Variants in MB21D2 observed in about 807,000 individuals in gnomAD.
MB21D2 encodes nucleotidyltransferase MB21D2.
In MB21D2, 9 loss-of-function variants were observed where a neutral mutation model predicts 33.3. That is an observed-to-expected ratio of 0.27 (90% CI 0.16 to 0.47). MB21D2 has a LOEUF of 0.47. MB21D2 is among the 20% of genes least tolerant of loss of function. MB21D2 has a pLI of 0.99. For synonymous variants in MB21D2, 241 were observed against 236.3 expected, an observed-to-expected ratio of 1.02 and a Z score of -0.18; for missense variants, 540 against 624.6, an observed-to-expected ratio of 0.86 and a Z score of 1.44.
rs536385604 is a variant in MB21D2, at chr3:192,808,943, T to C, written c.212-9293A>G. On this transcript the variant is annotated intron_variant, in intron 1 of 1. Coordinates refer to ENST00000392452, the MANE Select transcript of MB21D2 (RefSeq NM_178496.4). ...AACAGCAAAAGAAGAGCTGAGTTTA[T>C]AGTACACATTTGAAGTACATACATC... Among the ~76,000 whole-genome samples, 7 of 152,246 alleles carry C rather than the reference T, an allele frequency of 4.6e-5. 1 individual carries two copies. The highest frequency in any genetic ancestry group is 3.9e-4 in the Admixed American group (6 of 15,290).
At position 192,909,885 on chromosome 3, in the gene MB21D2, T is replaced by C. The variant is rs1321372087; in HGVS notation, c.211+7745A>G. Among the ~76,000 whole-genome samples the C allele has an allele frequency of 6.1e-5, 8 of 130,702 alleles. No homozygotes were observed. The Middle Eastern group carries it at 0.027, about 439-fold the overall frequency. 85.7% of individuals were successfully genotyped at this position (130,702 alleles called of 152,430 possible). A position where few individuals can be genotyped will look rare whatever the true frequency, so the allele number is the denominator to read the frequency against. On this transcript the variant is annotated intron_variant, in intron 1 of 1. Transcript: ENST00000392452. ...AAGCGGAGGTTGCAGTGAGCCAAGA[T>C]TGAGATCGGCCACTGCTCTCCAGCC... is the stretch of plus-strand genomic sequence containing the variant.
chr3:192,869,149 A>T (rs1283079215), intron 1 of MB21D2, among the ~76,000 whole-genome samples: 1 of 152,014 alleles, frequency 6.6e-6, no homozygotes, highest in Non-Finnish European at 1.5e-5. Context: ...CCACTTACTC[A>T]GGAGGCTGAG....
intron 1 of MB21D2, among the ~76,000 whole-genome samples, chr3:192,850,285 A>T (rs928716047): frequency 1.3e-5 from 2 of 152,190 alleles, no homozygotes; most frequent in African/African-American, 2.4e-5. Context: ...CCCAGGAGAC[A>T]GACTCTACAC....
At chr3:192,855,575 G>GT (rs1257273347) in intron 1 of MB21D2, among the ~76,000 whole-genome samples, 4 of 152,276 alleles carry the variant, frequency 2.6e-5, no homozygotes, top group African/African-American at 9.6e-5. Flanking sequence ...CCTCTATGCA[G>GT]TATCATCTCC....
intron 1 of MB21D2, 74 bp downstream of exon 1, chr3:192,917,556 C>G (rs1253957518): frequency 1.3e-6 from 2 of 1,515,950 alleles, no homozygotes; most frequent in East Asian, 4.5e-5. Flanking sequence ...GGTCGAGAAG[C>G]GGCAATGGGT....
intron 1 of MB21D2, among the ~76,000 whole-genome samples, chr3:192,881,412 G>A (rs555723186): frequency 2.0e-5 from 3 of 152,134 alleles, no homozygotes; most frequent in South Asian, 2.1e-4. Context: ...CTTCCAGCTC[G>A]ATGTTTTATG....
At chr3:192,821,759 G>C (rs1340276042) in intron 1 of MB21D2, among the ~76,000 whole-genome samples, 1 of 152,194 alleles carries the variant, frequency 6.6e-6, no homozygotes. Flanking sequence ...AGAGTTGACT[G>C]AGTGATTTGG....
intron 1 of MB21D2, among the ~76,000 whole-genome samples, chr3:192,916,468 A>T (rs946094764): frequency 1.3e-5 from 2 of 152,182 alleles, no homozygotes; most frequent in African/African-American, 4.8e-5. Context: ...TCCCAATCAA[A>T]TTTTTCAACA....
chr3:192,870,699 G>GAAAAAA lies in MB21D2; in HGVS notation c.211+46925_211+46930dup, dbSNP rs57320648. On this transcript the variant is annotated intron_variant, in intron 1 of 1. Transcript: ENST00000392452. ...GCACTCCAGCCTGGGCGACTCCGTT[G>GAAAAAA]AAAAAAAAAAAAAAAAAAAAGGAAG... Among the ~76,000 whole-genome samples, 131 of 41,620 alleles carry GAAAAAA rather than the reference G, an allele frequency of 3.1e-3. 8 individuals are homozygous for GAAAAAA. Among genetic ancestry groups the GAAAAAA allele is most frequent in the South Asian group, 0.011 (8 of 714 alleles). 27.3% of individuals were successfully genotyped at this position (41,620 alleles called of 152,430 possible). A position where few individuals can be genotyped will look rare whatever the true frequency, so the allele number is the denominator to read the frequency against.
chr3:192,823,314 T>C (rs1712099152), intron 1 of MB21D2, among the ~76,000 whole-genome samples: 1 of 152,230 alleles, frequency 6.6e-6, no homozygotes, highest in Non-Finnish European at 1.5e-5. Flanking sequence ...CTATAATGAC[T>C]TGCAACTAGA....
At chr3:192,812,699 C>T (rs911343487) in intron 1 of MB21D2, among the ~76,000 whole-genome samples, 2 of 152,188 alleles carry the variant, frequency 1.3e-5, no homozygotes, top group African/African-American at 4.8e-5. Flanking sequence ...CACGTCTCCT[C>T]TTGTTCTTTG....
chr3:192,885,939 C>A (rs538194017), intron 1 of MB21D2, among the ~76,000 whole-genome samples: 1 of 152,036 alleles, frequency 6.6e-6, no homozygotes, highest in African/African-American at 2.4e-5. Context: ...CGTCTTTAAA[C>A]CCCACTAGTT....
At chr3:192,838,747 C>T (rs1712506856) in intron 1 of MB21D2, among the ~76,000 whole-genome samples, 1 of 152,106 alleles carries the variant, frequency 6.6e-6, no homozygotes, top group Non-Finnish European at 1.5e-5. Context: ...TATTTTAAAC[C>T]AGCATACTTT....
chr3:192,808,594 G>A (rs1711715461), intron 1 of MB21D2, among the ~76,000 whole-genome samples: 1 of 152,196 alleles, frequency 6.6e-6, no homozygotes, highest in Non-Finnish European at 1.5e-5. Flanking sequence ...TCCCAAGAGA[G>A]GATCAATCAG....
rs1329813162 is a variant in MB21D2 at position 192,917,752 on chromosome 3, C to G, written c.89G>C (p.Gly30Ala). Reference protein sequence around the residue: ...PAFPELDFRSGARVEELNKLI... With the variant: ...PAFPELDFRSAARVEELNKLI... ...TTTGTTCAATTCCTCCACCCGAGCT[C>G]CCGACCTGAAATCCAGCTCCGGGAA... Residue 30 changes from glycine (G) to alanine (A), a missense_variant, in exon 1 of 2, where the codon GGA becomes GCA. Transcript: ENST00000392452. 2 of 1,614,066 alleles carry G rather than the reference C, an allele frequency of 1.2e-6. No homozygotes were observed. The highest frequency in any genetic ancestry group is 3.3e-5 in the Admixed American group (2 of 60,026).
chr3:192,797,818 G>C lies in MB21D2; in HGVS notation c.*568C>G, dbSNP rs1293214865. ...AAGTTGCTCCAAAACACAATTTGTAGTATTATCACTTTCAAAGTTTACATT... is the reference window on the plus strand; with the variant it reads ...AAGTTGCTCCAAAACACAATTTGTACTATTATCACTTTCAAAGTTTACATT... On this transcript the variant is annotated 3_prime_UTR_variant, in exon 2 of 2. Coordinates refer to ENST00000392452, the MANE Select transcript of MB21D2 (RefSeq NM_178496.4). 2 of 152,690 alleles carry C rather than the reference G, an allele frequency of 1.3e-5. No homozygotes were observed. Among genetic ancestry groups the C allele is most frequent in the African/African-American group, 2.4e-5 (1 of 41,422 alleles). 9.5% of individuals were successfully genotyped at this position (152,690 alleles called of 1,614,324 possible). A position where few individuals can be genotyped will look rare whatever the true frequency, so the allele number is the denominator to read the frequency against.
chr3:192,816,748 T>C (rs1231740358), intron 1 of MB21D2, among the ~76,000 whole-genome samples: 2 of 152,156 alleles, frequency 1.3e-5, no homozygotes, highest in African/African-American at 4.8e-5. Flanking sequence ...ATGATGTGGA[T>C]GCCGTGATAG....
At chr3:192,845,434 G>C (rs948505810) in intron 1 of MB21D2, among the ~76,000 whole-genome samples, 1 of 152,214 alleles carries the variant, frequency 6.6e-6, no homozygotes, top group African/African-American at 2.4e-5. Context: ...TTCCCATGAA[G>C]AAGTGTTTCC....
chr3:192,858,728 C>A (rs2108632680), intron 1 of MB21D2, among the ~76,000 whole-genome samples: 1 of 152,318 alleles, frequency 6.6e-6, no homozygotes, highest in African/African-American at 2.4e-5. Flanking sequence ...GGTATGTCCC[C>A]AGGCCTGTCA....
Sources: allele counts gnomAD v4.1 joint callset (sites outside exome capture counted in the v4.1 genomes callset), GRCh38; gene constraint gnomAD v4.1.1; transcripts MANE v1.5; gene names NCBI Gene and HGNC (gene_info 2026-07-23, HGNC 2026-07-21).